PDE1C: variants seen among roughly 807,000 people sequenced by gnomAD.
PDE1C encodes the protein dual specificity calcium/calmodulin-dependent 3',5'-cyclic nucleotide phosphodiesterase 1C.
In PDE1C, 62 loss-of-function variants were observed where a neutral mutation model predicts 93.1. That is an observed-to-expected ratio of 0.67 (90% confidence interval 0.54 to 0.82). The LOEUF is 0.82. Among genes scored for constraint, PDE1C ranks in the 40% least tolerant of loss-of-function variants. The pLI, the probability that PDE1C is intolerant of heterozygous loss-of-function variation, is 0.00. For synonymous variants in PDE1C, 325 were observed against 310.1 expected (o/e 1.05, Z -0.50); for missense variants, 742 against 884.6 (o/e 0.84, Z 2.04).
chr7:31,885,235 ATAATAT>A (rs1232118185), intron 2 of PDE1C, among the ~76,000 whole-genome samples: 2 of 152,204 alleles, frequency 1.3e-5, no homozygotes, highest in African/African-American at 4.8e-5. Flanking sequence ...ACAAATAATA[ATAATAT>A]TAATAAGATT....
At chr7:32,303,480 A>G (rs1365008350), upstream of PDE1C, among the ~76,000 whole-genome samples, 1 of 152,208 alleles carries the variant, frequency 6.6e-6, no homozygotes, top group East Asian at 1.9e-4. Context: ...GAAAACAGTC[A>G]CAGAAAGTCT....
At chr7:32,393,147 C>T (rs1423870840) in intron 1 of PDE1C, among the ~76,000 whole-genome samples, 1 of 147,792 alleles carries the variant, frequency 6.8e-6, no homozygotes, top group African/African-American at 2.5e-5. Context: ...GAAAAACTTA[C>T]AGCTGAACTC....
At chr7:32,261,831 C>T (rs6947159) in intron 1 of PDE1C, among the ~76,000 whole-genome samples, 17,767 of 152,162 alleles carry the variant, frequency 0.12, 1,107 homozygotes, top group East Asian at 0.15. Context: ...TTCAATATCA[C>T]TACTTCGTAC....
intron 1 of PDE1C, among the ~76,000 whole-genome samples, chr7:32,227,438 C>A (rs960630262): frequency 6.6e-6 from 1 of 152,212 alleles, no homozygotes; most frequent in Non-Finnish European, 1.5e-5. Flanking sequence ...TAAAGTCTAT[C>A]TCCCCTGGTA....
Position 31,839,586 on chromosome 7 carries a change from G to A in PDE1C, c.981-1615C>T, listed in dbSNP as rs142089500. On this transcript the variant is annotated intron_variant, in intron 9 of 17. Transcript: ENST00000396191. The stretch of plus-strand genomic sequence containing the variant: ...GTTTGTTATCCATTTACTAGCTAAC[G>A]GACATTCAAGTTATTAGATTCTAGT... Among the ~76,000 whole-genome samples, 52 of 152,158 alleles carry A rather than the reference G, an allele frequency of 3.4e-4. No individual in the cohort carries two copies. The East Asian group carries it at 3.5e-3, about 10-fold the overall frequency.
rs543521252 is a variant in PDE1C at position 32,183,723 on chromosome 7, T to G, written c.137-13767A>C. Among the ~76,000 whole-genome samples the G allele has an allele frequency of 1.1e-4, 17 of 152,270 alleles. No homozygotes were observed. The South Asian group carries it at 3.5e-3, about 32-fold the overall frequency. Reference sequence around the variant, plus strand: ...CTAGAAGAAAACCTAGGCAATACCATTGAGGACATAGGCATGGGCAAGGAC... The same window carrying G: ...CTAGAAGAAAACCTAGGCAATACCAGTGAGGACATAGGCATGGGCAAGGAC... On this transcript the variant is annotated intron_variant, in intron 2 of 18. Coordinates refer to the PDE1C transcript ENST00000396193.
At chr7:31,901,123 T>A (rs1362316399) in intron 2 of PDE1C, among the ~76,000 whole-genome samples, 7 of 106,350 alleles carry the variant, frequency 6.6e-5, no homozygotes, top group Non-Finnish European at 1.4e-4. Flanking sequence ...TGCCCTCTAG[T>A]AGCATTATTT....
At position 31,753,410 on chromosome 7, in the gene PDE1C, T is replaced by A; in HGVS notation, c.2104A>T (p.Ile702Phe). ...QRIKMKKIQN[I>F]SHNWNRK ...TATTTTCTGTTCCAGTTATGTGAGA[T>A]GTTCTGAATCTTTTTCATTTTGATC... The change falls in exon 18 of 18, where the codon ATC (isoleucine) becomes TTC (phenylalanine). Residue 702 changes from isoleucine to phenylalanine, a missense_variant. By Grantham distance (21) the Ile-to-Phe change is conservative. This residue lies in a region of PDE1C where 454 missense variants were observed against 459.4 expected (regional missense o/e 0.99). Transcript: ENST00000396191. The A allele has an allele frequency of 6.2e-7, 1 of 1,612,390 alleles. No individual in the cohort carries two copies. The highest frequency in any genetic ancestry group is 8.5e-7 in the Non-Finnish European group (1 of 1,179,650).
At chr7:32,421,833 T>A (rs1051545193) in intron 1 of PDE1C, among the ~76,000 whole-genome samples, 6 of 152,114 alleles carry the variant, frequency 3.9e-5, no homozygotes, top group African/African-American at 1.4e-4. Flanking sequence ...AGCTGTAAAG[T>A]GCTGTACAGA....
chr7:32,391,655 C>T (rs1298592790), intron 1 of PDE1C, among the ~76,000 whole-genome samples: 1 of 152,066 alleles, frequency 6.6e-6, no homozygotes, highest in East Asian at 1.9e-4. Flanking sequence ...TCTGTGACCA[C>T]CATGGTATTC....
At chr7:32,088,337 C>G (rs888979755) in intron 3 of PDE1C, among the ~76,000 whole-genome samples, 1 of 152,182 alleles carries the variant, frequency 6.6e-6, no homozygotes, top group Non-Finnish European at 1.5e-5. Context: ...TCAGAGTTTG[C>G]TCTTCAAAAG....
At chr7:32,082,432 C>G (rs1425090734) in intron 3 of PDE1C, among the ~76,000 whole-genome samples, 7 of 152,234 alleles carry the variant, frequency 4.6e-5, no homozygotes, top group Admixed American at 4.6e-4. Flanking sequence ...CCTCTGGGGA[C>G]AGGGCACAGA....
At chr7:31,808,258 GGGATTCTCTCAAAAACCACTCCGT>G (rs1398254965) in intron 16 of PDE1C, 1 of 412,134 alleles carries the variant, frequency 2.4e-6, no homozygotes, top group Admixed American at 3.2e-5. Flanking sequence ...TAGAGAGTCT[GGGATTCTCTCAAAAACCACTCCGT>G]GGAAACTTTA....
At chr7:32,142,220 G>A (rs1224035499) in intron 3 of PDE1C, among the ~76,000 whole-genome samples, 1 of 152,012 alleles carries the variant, frequency 6.6e-6, no homozygotes, top group Non-Finnish European at 1.5e-5. Context: ...TAGAGGAGAA[G>A]GAACAATAGG....
At chr7:31,860,647 A>G (rs1238550793) in intron 7 of PDE1C, among the ~76,000 whole-genome samples, 2 of 152,092 alleles carry the variant, frequency 1.3e-5, no homozygotes, top group African/African-American at 4.8e-5. Context: ...ATTTTCTCCA[A>G]ATGCTTACTT....
At chr7:31,811,050 T>G (rs1176410424) in intron 15 of PDE1C, among the ~76,000 whole-genome samples, 1 of 152,070 alleles carries the variant, frequency 6.6e-6, no homozygotes, top group Non-Finnish European at 1.5e-5. Flanking sequence ...CACCAAAATC[T>G]CATCTTTAAT....
the PDE1C span, among the ~76,000 whole-genome samples, chr7:31,738,041 G>A: frequency 2.0e-5 from 3 of 151,898 alleles, no homozygotes; most frequent in Admixed American, 6.6e-5. Context: ...CCACCTTTCC[G>A]CTGCTGTCAC....
At chr7:32,057,207 C>T (rs1243982100) in intron 1 of PDE1C, among the ~76,000 whole-genome samples, 1 of 152,204 alleles carries the variant, frequency 6.6e-6, no homozygotes, top group Non-Finnish European at 1.5e-5. Context: ...TACACACATC[C>T]TTAAGCAGTC....
chr7:31,802,678 G>A (rs1399726050), intron 16 of PDE1C, among the ~76,000 whole-genome samples: 1 of 151,030 alleles, frequency 6.6e-6, no homozygotes, highest in African/African-American at 2.4e-5. Context: ...AAATATTTTT[G>A]CTAGGCACAG....
Sources: allele counts gnomAD v4.1 joint callset (sites outside exome capture counted in the v4.1 genomes callset), GRCh38; gene constraint gnomAD v4.1.1; regional missense constraint gnomAD v4.1.1; transcripts MANE v1.5; gene names NCBI Gene and HGNC (gene_info 2026-07-23, HGNC 2026-07-21).